Variants in MFSD11 observed in about 807,000 individuals in gnomAD.
MFSD11 encodes UNC93-like protein MFSD11.
Under a neutral mutation model 53.5 loss-of-function variants are expected in MFSD11, and 36 were observed. The observed-to-expected ratio is 0.67, with a 90% confidence interval of 0.52 to 0.89. The LOEUF is 0.89. Among genes scored for constraint, MFSD11 ranks in the 40% least tolerant of loss-of-function variants. MFSD11 has a pLI of 0.00. For synonymous variants in MFSD11, 186 were observed against 184.9 expected, an observed-to-expected ratio of 1.01 and a Z score of -0.05; for missense variants, 530 against 543.9, an observed-to-expected ratio of 0.97 and a Z score of 0.25.
At chr17:76,752,534 C>T (rs1487109706) in intron 7 of MFSD11, among the ~76,000 whole-genome samples, 1 of 151,966 alleles carries the variant, frequency 6.6e-6, no homozygotes, top group East Asian at 1.9e-4. Context: ...TGCACCACCA[C>T]ACCCTGCTAA....
At chr17:76,772,675 G>C (rs1397683853) in intron 10 of MFSD11, among the ~76,000 whole-genome samples, 1 of 151,556 alleles carries the variant, frequency 6.6e-6, no homozygotes, top group African/African-American at 2.4e-5. Flanking sequence ...CCGCTACCAC[G>C]CCTGGCTAAT....
chr17:76,796,943 G>A, the MFSD11 span, among the ~76,000 whole-genome samples: 1 of 152,042 alleles, frequency 6.6e-6, no homozygotes, highest in Non-Finnish European at 1.5e-5. Context: ...GCCGAGGCAG[G>A]CAGATCACGA....
At chr17:76,793,304 G>A in the MFSD11 span, among the ~76,000 whole-genome samples, 2 of 151,320 alleles carry the variant, frequency 1.3e-5, 1 homozygote, top group African/African-American at 4.9e-5. Flanking sequence ...CCATTTTAGA[G>A]GCCTACCCTC....
At position 76,739,899 on chromosome 17, in the gene MFSD11, GC is replaced by G. The variant is rs1294657870; in HGVS notation, c.152+907del. On this transcript the variant is annotated intron_variant, in intron 2 of 12. Coordinates refer to ENST00000685175, the MANE Select transcript of MFSD11 (RefSeq NM_001242532.5). ...AGAACAAATGCGGCCGGGTGCGGGG[GC>G]TCACGCCTGTAATCCCAGCGCTTTG... 3.9e-5 allele frequency among the ~76,000 whole-genome samples: 6 copies of G among 152,250 alleles called. No individual in the cohort carries two copies. The East Asian group carries it at 1.2e-3, about 29-fold the overall frequency.
At chr17:76,748,345 C>T (rs750882557) in intron 7 of MFSD11, among the ~76,000 whole-genome samples, 38 of 152,250 alleles carry the variant, frequency 2.5e-4, no homozygotes, top group South Asian at 6.2e-4. Flanking sequence ...AAGGTTCCCA[C>T]CTAAAGGCCT....
downstream of MFSD11, among the ~76,000 whole-genome samples, chr17:76,786,378 G>A (rs950079950): frequency 1.3e-5 from 2 of 152,078 alleles, no homozygotes; most frequent in Non-Finnish European, 2.9e-5. Flanking sequence ...CTGACCTCAA[G>A]TGATCTGCCC....
At chr17:76,743,643 T>G (rs1399817722) in intron 6 of MFSD11, among the ~76,000 whole-genome samples, 187 bp downstream of exon 6, 1 of 152,078 alleles carries the variant, frequency 6.6e-6, no homozygotes, top group Non-Finnish European at 1.5e-5. Context: ...TGAGATGGAG[T>G]TTCACTCTTG....
chr17:76,786,864 G>A, the MFSD11 span, among the ~76,000 whole-genome samples: 3 of 152,078 alleles, frequency 2.0e-5, no homozygotes, highest in East Asian at 3.9e-4. Flanking sequence ...CACCCAGGCT[G>A]GAGTGCAGTG....
chr17:76,775,243 G>A lies in MFSD11; in HGVS notation c.1049+72G>A, dbSNP rs975773678. On this transcript the variant is annotated intron_variant, in intron 11 of 12. Coordinates refer to ENST00000685175, the MANE Select transcript of MFSD11 (RefSeq NM_001242532.5). ...TAACGGATGGCTAGATACTGAAAGT[G>A]GAGCAGTTAATCCTCTTCAGAGAGC... The A allele has an allele frequency of 3.5e-6, 5 of 1,431,528 alleles. No individual in the cohort carries two copies. In the Admixed American group the frequency reaches 7.4e-5, roughly 21 times the overall value. 88.7% of individuals were successfully genotyped at this position (1,431,528 alleles called of 1,614,324 possible).
intron 12 of MFSD11, among the ~76,000 whole-genome samples, chr17:76,777,608 G>A (rs1288765446): frequency 6.7e-6 from 1 of 149,520 alleles, no homozygotes; most frequent in Admixed American, 6.7e-5. Context: ...GTCTTGTATT[G>A]TGTTTTTTAA....
chr17:76,770,031 C>CTTTT (rs367900405), intron 10 of MFSD11, among the ~76,000 whole-genome samples, 160 bp downstream of exon 10: 2 of 131,084 alleles, frequency 1.5e-5, no homozygotes, highest in African/African-American at 5.9e-5. Flanking sequence ...TATTCTTTTT[C>CTTTT]TTTTTTTTTT....
At chr17:76,740,531 C>G (rs1351675567) in intron 2 of MFSD11, among the ~76,000 whole-genome samples, 1 of 152,178 alleles carries the variant, frequency 6.6e-6, no homozygotes, top group Non-Finnish European at 1.5e-5. Context: ...GTCATGCAGT[C>G]CTGGCTCGAC....
In MFSD11 at chr17:76,778,349, C is replaced by A; in HGVS notation, c.1347C>A (p.Ile449=). The A allele has an allele frequency of 1.1e-5, 18 of 1,614,156 alleles. No individual in the cohort carries two copies. Among genetic ancestry groups the A allele is most frequent in the Non-Finnish European group, 1.5e-5 (18 of 1,180,012 alleles). ...FVARGSDYRS[I] is the part of the protein sequence containing the mutation. ...CCCGCGGCTCTGACTACCGAAGTATCTGATCTGGTGTCCGTGAGGGGACAC... is the reference window on the plus strand; with the variant it reads ...CCCGCGGCTCTGACTACCGAAGTATATGATCTGGTGTCCGTGAGGGGACAC... The change falls in exon 13 of 13, where the codon ATC becomes ATA. Residue 449 remains isoleucine (I), a synonymous_variant. Transcript: ENST00000685175.
At chr17:76,757,131 T>TC (rs1167950766) in intron 8 of MFSD11, among the ~76,000 whole-genome samples, 1 of 152,068 alleles carries the variant, frequency 6.6e-6, no homozygotes, top group African/African-American at 2.4e-5. Context: ...CCATCATAGA[T>TC]CCCCCTCTGG....
the MFSD11 span, among the ~76,000 whole-genome samples, chr17:76,802,545 G>C: frequency 6.6e-6 from 1 of 152,166 alleles, no homozygotes; most frequent in African/African-American, 2.4e-5. Flanking sequence ...AGAAACAGTT[G>C]ACATGCCATC....
intron 1 of MFSD11, 96 bp downstream of exon 1, chr17:76,738,544 A>G (rs1260750115): frequency 2.3e-6 from 2 of 854,714 alleles, no homozygotes; most frequent in East Asian, 5.4e-5. Context: ...GCGCGCTTTA[A>G]TTGCATCTTT....
chr17:76,770,066 C>T (rs2081259279), intron 10 of MFSD11, among the ~76,000 whole-genome samples, 195 bp downstream of exon 10: 2 of 139,374 alleles, frequency 1.4e-5, no homozygotes, highest in East Asian at 2.1e-4. Flanking sequence ...GAGTCTCGCT[C>T]TGTCGCCGAG....
At chr17:76,765,962 G>A (rs1280313418) in intron 8 of MFSD11, among the ~76,000 whole-genome samples, 7 of 151,138 alleles carry the variant, frequency 4.6e-5, no homozygotes, top group Admixed American at 2.7e-4. Context: ...CTGACATGTC[G>A]TTATCACCTA....
At chr17:76,764,221 C>T (rs1167741212) in intron 8 of MFSD11, among the ~76,000 whole-genome samples, 1 of 151,938 alleles carries the variant, frequency 6.6e-6, no homozygotes, top group Non-Finnish European at 1.5e-5. Context: ...TTAACATATC[C>T]ATCACCTCAC....
Sources: allele counts gnomAD v4.1 joint callset (sites outside exome capture counted in the v4.1 genomes callset), GRCh38; gene constraint gnomAD v4.1.1; transcripts MANE v1.5; gene names NCBI Gene and HGNC (gene_info 2026-07-23, HGNC 2026-07-21).